The following CDH4 variants were observed in gnomAD, a reference collection of about 807,000 sequenced individuals.
The protein encoded by CDH4 is cadherin-4.
CDH4 carries 33 observed loss-of-function variants against 86.0 expected under a neutral mutation model. The observed-to-expected ratio is 0.38, with a 90% confidence interval of 0.29 to 0.51. The LOEUF (loss-of-function observed/expected upper bound fraction) is 0.51, where lower values mean the gene tolerates loss of function less well. Among genes scored for constraint, CDH4 ranks in the 20% least tolerant of loss-of-function variants. The pLI, the probability that CDH4 is intolerant of heterozygous loss-of-function variation, is 0.86. For synonymous variants in CDH4, 555 were observed against 549.4 expected, an observed-to-expected ratio of 1.01 and a Z score of -0.14; for missense variants, 1,114 against 1,307.4, an observed-to-expected ratio of 0.85 and a Z score of 2.28.
At chr20:61,613,140 G>A (rs1026780776) in intron 2 of CDH4, among the ~76,000 whole-genome samples, 2 of 151,942 alleles carry the variant, frequency 1.3e-5, no homozygotes, top group Non-Finnish European at 1.5e-5. Context: ...AAGTTTCCTC[G>A]GAAAAAACAG....
chr20:61,381,134 A>G (rs2084898353), intron 2 of CDH4, among the ~76,000 whole-genome samples: 2 of 152,204 alleles, frequency 1.3e-5, no homozygotes. Context: ...CCTAGCCTGT[A>G]TGGAGTAGTG....
intron 2 of CDH4, among the ~76,000 whole-genome samples, chr20:61,351,268 A>G (rs1176218098): frequency 2.0e-5 from 3 of 152,158 alleles, no homozygotes; most frequent in African/African-American, 4.8e-5. Flanking sequence ...TTCCCTACAC[A>G]ATACAATCTA....
At chr20:61,697,736 C>A (rs1349996319) in intron 2 of CDH4, among the ~76,000 whole-genome samples, 1 of 152,218 alleles carries the variant, frequency 6.6e-6, no homozygotes, top group African/African-American at 2.4e-5. Flanking sequence ...TGTATCTCCC[C>A]GGAGGGACGT....
intron 4 of CDH4, among the ~76,000 whole-genome samples, chr20:61,843,687 TAAAAA>T (rs67518472): frequency 1.2e-4 from 17 of 140,796 alleles, no homozygotes; most frequent in African/African-American, 3.8e-4. Context: ...GACCTGTCTC[TAAAAA>T]AAAAAAAAAA....
At chr20:61,610,872 A>G (rs2086679980) in intron 2 of CDH4, among the ~76,000 whole-genome samples, 2 of 152,154 alleles carry the variant, frequency 1.3e-5, no homozygotes, top group African/African-American at 4.8e-5. Context: ...GCTGGCCACA[A>G]GGCTATCAAG....
chr20:61,686,400 CGT>C (rs2087573706), intron 2 of CDH4, among the ~76,000 whole-genome samples: 1 of 150,114 alleles, frequency 6.7e-6, no homozygotes, highest in Non-Finnish European at 1.5e-5. Flanking sequence ...TGTGCATTCA[CGT>C]GTGTATGTGC....
intron 4 of CDH4, among the ~76,000 whole-genome samples, chr20:61,798,446 G>T (rs1403982852): frequency 6.6e-6 from 1 of 152,208 alleles, no homozygotes; most frequent in Non-Finnish European, 1.5e-5. Context: ...CAGGCCTTGT[G>T]GGGTGTGGTC....
chr20:61,657,791 G>C (rs140879769), intron 2 of CDH4, among the ~76,000 whole-genome samples: 1 of 152,232 alleles, frequency 6.6e-6, no homozygotes, highest in Non-Finnish European at 1.5e-5. Flanking sequence ...TGGGATTTGT[G>C]ATGGGCCAAA....
chr20:61,686,481 G>A (rs776425889), intron 2 of CDH4, among the ~76,000 whole-genome samples: 6 of 148,116 alleles, frequency 4.1e-5, no homozygotes, highest in East Asian at 1.9e-4. Flanking sequence ...GTATATGTGC[G>A]TGTGTGTGCA....
intron 2 of CDH4, among the ~76,000 whole-genome samples, chr20:61,351,241 A>AT (rs2084710480): frequency 1.3e-5 from 2 of 152,050 alleles, no homozygotes; most frequent in South Asian, 4.1e-4. Flanking sequence ...ACATGGACAG[A>AT]TTTTTTCTTG....
intron 2 of CDH4, among the ~76,000 whole-genome samples, chr20:61,714,023 T>TATGTTATG (rs2087922880): frequency 3.2e-5 from 4 of 123,912 alleles, no homozygotes; most frequent in South Asian, 3.0e-4. Context: ...CTATTCTTTT[T>TATGTTATG]TTATTTTATT....
At chr20:61,756,307 G>A (rs183304412) in intron 3 of CDH4, among the ~76,000 whole-genome samples, 1 of 152,186 alleles carries the variant, frequency 6.6e-6, no homozygotes, top group Non-Finnish European at 1.5e-5. Flanking sequence ...GGGGCTGTGG[G>A]ACTGTCACAG....
At chr20:61,338,346 T>C (rs749207141) in intron 2 of CDH4, among the ~76,000 whole-genome samples, 9 of 152,158 alleles carry the variant, frequency 5.9e-5, no homozygotes, top group Non-Finnish European at 1.2e-4. Context: ...TTCCTGCACC[T>C]AAAAATCTCA....
At chr20:61,647,558 C>T (rs372226820) in intron 2 of CDH4, among the ~76,000 whole-genome samples, 5,592 of 75,330 alleles carry the variant, frequency 0.074, 233 homozygotes, top group Non-Finnish European at 0.11. Context: ...TCTCCCTCTC[C>T]CTCTCCCTCT....
chr20:61,585,888 A>T (rs1352156682), intron 2 of CDH4, among the ~76,000 whole-genome samples: 2 of 149,604 alleles, frequency 1.3e-5, no homozygotes, highest in African/African-American at 5.0e-5. Context: ...GGTGATTATG[A>T]TGGTGATGGT....
At chr20:61,489,560 TC>T (rs1039636534) in intron 2 of CDH4, among the ~76,000 whole-genome samples, 3 of 152,200 alleles carry the variant, frequency 2.0e-5, no homozygotes, top group South Asian at 2.1e-4. Flanking sequence ...CACTCCTCCT[TC>T]CCCAGGGGGC....
chr20:61,687,730 A>G (rs1367355168), intron 2 of CDH4, among the ~76,000 whole-genome samples: 1 of 152,188 alleles, frequency 6.6e-6, no homozygotes, highest in Non-Finnish European at 1.5e-5. Context: ...GACAGATTGC[A>G]TTTATCACAG....
chr20:61,345,754 T>C (rs900199550), intron 2 of CDH4, among the ~76,000 whole-genome samples: 1 of 152,146 alleles, frequency 6.6e-6, no homozygotes, highest in Admixed American at 6.5e-5. Context: ...TGAGTGGTGT[T>C]GGGGCTTCAT....
intron 2 of CDH4, among the ~76,000 whole-genome samples, chr20:61,673,021 T>C (rs1268611578): frequency 6.6e-6 from 1 of 151,892 alleles, no homozygotes; most frequent in Non-Finnish European, 1.5e-5. Context: ...AAGACAAAGA[T>C]AGCATCAGAG....
Sources: gnomAD v4.1 joint callset for allele counts (sites outside exome capture counted in the v4.1 genomes callset) on GRCh38, gnomAD v4.1.1 for gene constraint, MANE v1.5 for transcripts, NCBI Gene and HGNC (gene_info 2026-07-23, HGNC 2026-07-21) for gene names.